GPN3: variants seen among roughly 807,000 people sequenced by gnomAD.
GPN3 encodes the protein ATP-binding domain 1 family member C.
In GPN3, 31 loss-of-function variants were observed where a neutral mutation model predicts 38.7. The observed-to-expected ratio is 0.80, with a 90% CI of 0.60 to 1.08. GPN3 has a LOEUF of 1.08. Among genes scored for constraint, GPN3 ranks in the 50% least tolerant of loss-of-function variants. The pLI is 0.00. For synonymous variants in GPN3, 116 were observed against 120.2 expected, an observed-to-expected ratio of 0.96 and a Z score of 0.23; for missense variants, 301 against 354.4, an observed-to-expected ratio of 0.85 and a Z score of 1.21.
At position 110,458,587 on chromosome 12, in the gene GPN3, C is replaced by A. The variant is rs1016695590; in HGVS notation, c.326-953G>T. ...CCTAAGGTCCAGAGTTTGAGACCAG[C>A]CTGGCCAACACAGTGAAACCCTGTC... On this transcript the variant is annotated intron_variant, in intron 3 of 7. Coordinates refer to ENST00000228827, the MANE Select transcript of GPN3 (RefSeq NM_016301.4). This position sits in a 1 kb window ranked among gnomAD's most constrained non-coding sequence, Gnocchi z 4.4. Among the ~76,000 whole-genome samples the A allele has an allele frequency of 1.3e-5, 2 of 152,054 alleles. No homozygotes were observed. The highest frequency in any genetic ancestry group is 4.8e-5 in the African/African-American group (2 of 41,396).
At chr12:110,467,889 T>G (rs1014896337) in intron 1 of GPN3, among the ~76,000 whole-genome samples, 7 of 152,126 alleles carry the variant, frequency 4.6e-5, no homozygotes, top group African/African-American at 1.7e-4. Context: ...ATGAGAAAAA[T>G]GAGATCTCTC....
chr12:110,457,457 C>CCA, intron 4 of GPN3, 53 bp downstream of exon 4: 3 of 589,386 alleles, frequency 5.1e-6, no homozygotes, highest in African/African-American at 5.0e-5. Context: ...GTCACACACA[C>CCA]AAAAAAAAAA....
In GPN3 at chr12:110,453,808, T is replaced by C. The variant is rs889516059; in HGVS notation, c.727A>G (p.Ile243Val). 3 of 1,590,770 alleles carry C rather than the reference T, an allele frequency of 1.9e-6. No homozygotes were observed. Among genetic ancestry groups the C allele is most frequent in the African/African-American group, 1.3e-5 (1 of 74,592 alleles). Reference sequence around the variant, plus strand: ...GCAAAATCAATATGCTGCAATACAATGTTCATGCTTTCTTCATCTGACTGA... The same window carrying C: ...GCAAAATCAATATGCTGCAATACAACGTTCATGCTTTCTTCATCTGACTGA... ...YDQSDEESMN[I>V]VLQHIDFAIQ... Residue 243 changes from isoleucine to valine, a missense_variant, in exon 7 of 8, where the codon ATT (isoleucine) becomes GTT (valine). Ile to Val is a conservative substitution (Grantham distance 29). Coordinates refer to ENST00000228827, the MANE Select transcript of GPN3 (RefSeq NM_016301.4).
chr12:110,455,547 A>C (rs760481828), intron 6 of GPN3, 39 bp downstream of exon 6: 1 of 835,432 alleles, frequency 1.2e-6, no homozygotes, highest in South Asian at 1.4e-5. Context: ...GGCATTAGCC[A>C]CTGCACCTGG....
At chr12:110,465,356 G>C (rs2062620263) in intron 1 of GPN3, 142 bp from the exon 2 acceptor site, 1 of 652,780 alleles carries the variant, frequency 1.5e-6, no homozygotes, top group South Asian at 1.7e-5. Context: ...AAAGATACCT[G>C]ACTGGGCTGC....
At chr12:110,453,663 G>T (rs1459317935) in intron 7 of GPN3, 80 bp downstream of exon 7, 9 of 1,104,666 alleles carry the variant, frequency 8.1e-6, no homozygotes, top group Admixed American at 3.9e-5. Flanking sequence ...TTAAGGAGTC[G>T]CCTGGATTAT....
At chr12:110,466,950 CTG>C (rs1309760171) in intron 1 of GPN3, among the ~76,000 whole-genome samples, 1 of 151,704 alleles carries the variant, frequency 6.6e-6, no homozygotes, top group Non-Finnish European at 1.5e-5. Flanking sequence ...TTGTTAAAGA[CTG>C]AGGCCACACA....
chr12:110,453,991 C>CAGAGG, intron 6 of GPN3, 120 bp from the exon 7 acceptor site: 2 of 678,306 alleles, frequency 2.9e-6, no homozygotes, highest in South Asian at 4.0e-5. Context: ...GATGTGTTTA[C>CAGAGG]AGGAAGAGGA....
chr12:110,463,217 TGAGACCAGCCTGGAAATC>T (rs1188446438), intron 2 of GPN3, among the ~76,000 whole-genome samples: 2 of 152,006 alleles, frequency 1.3e-5, no homozygotes, highest in African/African-American at 2.4e-5. Flanking sequence ...CCCAGGAGTT[TGAGACCAGCCTGGAAATC>T]GAGACCAGCC....
At chr12:110,463,416 C>T (rs958495544) in intron 2 of GPN3, among the ~76,000 whole-genome samples, 1 of 150,902 alleles carries the variant, frequency 6.6e-6, no homozygotes. Flanking sequence ...GGCTACTATA[C>T]TATATAGCCT....
chr12:110,453,643 A>G lies in GPN3; in HGVS notation c.792+100T>C, dbSNP rs1438429834. 1.4e-5 allele frequency: 13 copies of G among 920,074 alleles called. No individual in the cohort carries two copies. The East Asian group carries it at 3.1e-4, about 22-fold the overall frequency. The allele number at this position is 920,074 out of a possible 1,614,324, so 57.0% of individuals were successfully genotyped here. A position where few individuals can be genotyped will look rare whatever the true frequency, so the allele number is the denominator to read the frequency against. ...CCAGTTAACTGCCATCAATAAGACA[A>G]AAAACTAATTTAAGGAGTCGCCTGG... On this transcript the variant is annotated intron_variant, in intron 7 of 7. Transcript: ENST00000228827.
intron 3 of GPN3, among the ~76,000 whole-genome samples, chr12:110,457,872 A>C (rs1390267014): frequency 6.6e-6 from 1 of 152,150 alleles, no homozygotes; most frequent in Admixed American, 6.6e-5. Flanking sequence ...TCATGCCTGT[A>C]ATCCCAGCAC....
At chr12:110,457,192 T>C (rs532961283) in intron 4 of GPN3, among the ~76,000 whole-genome samples, 88 of 151,932 alleles carry the variant, frequency 5.8e-4, no homozygotes, top group African/African-American at 2.1e-3. Context: ...TAAAAATCTT[T>C]AAGAGAACTT....
intron 6 of GPN3, among the ~76,000 whole-genome samples, chr12:110,454,724 C>G (rs2062537777): frequency 6.6e-6 from 1 of 151,812 alleles, no homozygotes; most frequent in South Asian, 2.1e-4. Flanking sequence ...GTGACATGAT[C>G]TGATCATGGC....
At chr12:110,462,148 C>CCT (rs1299642972) in intron 2 of GPN3, among the ~76,000 whole-genome samples, 6 of 152,122 alleles carry the variant, frequency 3.9e-5, no homozygotes, top group African/African-American at 7.2e-5. Flanking sequence ...CATCCTAAGT[C>CCT]CTCTTTTTAA....
intron 2 of GPN3, chr12:110,464,717 T>C (rs868546892): frequency 1.5e-4 from 28 of 189,726 alleles, no homozygotes; most frequent in African/African-American, 5.9e-4. Flanking sequence ...CTCAGCCTCC[T>C]GAGTAGCTGG....
chr12:110,457,779 A>T (rs1347071940), intron 3 of GPN3, 145 bp from the exon 4 acceptor site: 1 of 510,110 alleles, frequency 2.0e-6, no homozygotes, highest in East Asian at 3.2e-5. Context: ...AGCAATCATA[A>T]AACCTAAGGT....
chr12:110,456,004 C>T, intron 4 of GPN3, 74 bp from the exon 5 acceptor site: 1 of 791,244 alleles, frequency 1.3e-6, no homozygotes, highest in Admixed American at 1.9e-5. Context: ...AAAGAGTCTT[C>T]TATTCCTCAC....
chr12:110,465,010 G>C, intron 2 of GPN3, 96 bp downstream of exon 2: 1 of 754,122 alleles, frequency 1.3e-6, no homozygotes, highest in East Asian at 2.5e-5. Flanking sequence ...CAGGGATCCA[G>C]ACTATAATAA....
Sources: allele counts gnomAD v4.1 joint callset (sites outside exome capture counted in the v4.1 genomes callset), GRCh38; gene constraint gnomAD v4.1.1; non-coding constraint Gnocchi (gnomAD v3.1); transcripts MANE v1.5; gene names NCBI Gene and HGNC (gene_info 2026-07-23, HGNC 2026-07-21).